Variants in TENM2 observed in about 807,000 individuals in gnomAD.
The protein encoded by TENM2 is teneurin-2.
In TENM2, 52 loss-of-function variants were observed where a neutral mutation model predicts 245.2. The ratio of observed to expected loss-of-function variants is 0.21; its 90% CI spans 0.17 to 0.27. TENM2 has a LOEUF of 0.27. Among genes scored for constraint, TENM2 ranks in the 10% least tolerant of loss-of-function variants. The pLI, the probability that TENM2 is intolerant of heterozygous loss-of-function variation, is 1.00. For synonymous variants in TENM2, 1,363 were observed against 1,438.9 expected, an observed-to-expected ratio of 0.95 and a Z score of 1.19; for missense variants, 3,046 against 3,666.8, an observed-to-expected ratio of 0.83 and a Z score of 4.37.
chr5:167,188,639 A>G, the TENM2 span, among the ~76,000 whole-genome samples: 7 of 152,148 alleles, frequency 4.6e-5, no homozygotes, highest in Admixed American at 4.6e-4. Flanking sequence ...TTAATTTTTG[A>G]TAAATACTGT....
At chr5:167,253,161 G>A in the TENM2 span, among the ~76,000 whole-genome samples, 1 of 151,742 alleles carries the variant, frequency 6.6e-6, no homozygotes, top group Admixed American at 6.6e-5. Flanking sequence ...CACAATCTTG[G>A]CTCAGTGCAG....
intron 2 of TENM2, among the ~76,000 whole-genome samples, chr5:167,620,684 T>C (rs2127769490): frequency 6.6e-6 from 1 of 151,166 alleles, no homozygotes; most frequent in South Asian, 2.1e-4. Flanking sequence ...GCTCCCACTC[T>C]AGACTTACAA....
intron 25 of TENM2, among the ~76,000 whole-genome samples, chr5:168,238,001 T>C (rs574027166): frequency 2.6e-5 from 4 of 151,096 alleles, no homozygotes; most frequent in South Asian, 2.1e-4. Context: ...AAAAATTAGC[T>C]GGGCATGGTG....
chr5:167,852,998 C>A (rs972906774), intron 2 of TENM2, among the ~76,000 whole-genome samples: 1 of 151,896 alleles, frequency 6.6e-6, no homozygotes, highest in Non-Finnish European at 1.5e-5. Context: ...AGAAAGTGAT[C>A]GGGCTCTGCC....
chr5:167,579,562 C>T lies in TENM2; in HGVS notation c.502+204089C>T, dbSNP rs996459654. On this transcript the variant is annotated intron_variant, in intron 2 of 28. Coordinates refer to ENST00000518659, the Ensembl canonical transcript of TENM2. ...TGACGGTTCGACAGTCGTAGCCAAG[C>T]GTTGTCCTGACTCACAGATCTGTGG... 5.3e-5 allele frequency among the ~76,000 whole-genome samples: 8 copies of T among 152,212 alleles called. No individual in the cohort carries two copies. The East Asian group carries it at 5.8e-4, about 11-fold the overall frequency.
At chr5:167,058,249 A>G in the TENM2 span, among the ~76,000 whole-genome samples, 1 of 152,106 alleles carries the variant, frequency 6.6e-6, no homozygotes, top group African/African-American at 2.4e-5. Flanking sequence ...TTAAGTTTTG[A>G]GAGTAGAGTC....
At chr5:167,275,951 T>C in the TENM2 span, among the ~76,000 whole-genome samples, 4 of 152,056 alleles carry the variant, frequency 2.6e-5, no homozygotes, top group South Asian at 8.3e-4. Context: ...TCAGGGGAGA[T>C]ACTGTGACTA....
intron 2 of TENM2, among the ~76,000 whole-genome samples, chr5:167,567,678 T>C (rs1773994570): frequency 6.6e-6 from 1 of 151,922 alleles, no homozygotes; most frequent in African/African-American, 2.4e-5. Flanking sequence ...CACTGGTTGA[T>C]GCGCAGCATG....
intron 2 of TENM2, among the ~76,000 whole-genome samples, chr5:167,833,835 T>C (rs1308785911): frequency 6.6e-6 from 1 of 152,206 alleles, no homozygotes; most frequent in Non-Finnish European, 1.5e-5. Context: ...TCCCAAATCT[T>C]TCCCAATTCC....
At chr5:167,228,576 T>C in the TENM2 span, among the ~76,000 whole-genome samples, 1 of 152,194 alleles carries the variant, frequency 6.6e-6, no homozygotes, top group South Asian at 2.1e-4. Flanking sequence ...TTTCATGACT[T>C]TCTTTTTGTT....
intron 2 of TENM2, among the ~76,000 whole-genome samples, chr5:167,434,340 G>C (rs1764416192): frequency 6.9e-6 from 1 of 145,474 alleles, no homozygotes; most frequent in Non-Finnish European, 1.5e-5. Context: ...ATTGAACCCG[G>C]GAGGCAGAGG....
intron 5 of TENM2, among the ~76,000 whole-genome samples, chr5:168,010,259 G>A (rs781100645): frequency 6.6e-5 from 10 of 152,194 alleles, no homozygotes; most frequent in Admixed American, 1.3e-4. Context: ...AGCTGACAAC[G>A]CTCTGAAAGC....
At chr5:167,982,557 G>A (rs551613092) in intron 4 of TENM2, among the ~76,000 whole-genome samples, 47 of 152,250 alleles carry the variant, frequency 3.1e-4, no homozygotes, top group Non-Finnish European at 6.0e-4. Flanking sequence ...GTTCTGGGAT[G>A]TAAATATTGC....
intron 3 of TENM2, among the ~76,000 whole-genome samples, chr5:167,899,855 C>T (rs963515367): frequency 2.6e-5 from 4 of 152,240 alleles, no homozygotes; most frequent in Admixed American, 6.5e-5. Flanking sequence ...CGGCATCCGA[C>T]TCTTACAAAA....
At chr5:167,216,385 G>T in the TENM2 span, among the ~76,000 whole-genome samples, 1 of 152,196 alleles carries the variant, frequency 6.6e-6, no homozygotes, top group East Asian at 1.9e-4. Flanking sequence ...CCAGATTGCT[G>T]TGTGCCCTCT....
At chr5:167,525,176 A>G (rs1051098040) in intron 2 of TENM2, among the ~76,000 whole-genome samples, 1 of 152,102 alleles carries the variant, frequency 6.6e-6, no homozygotes, top group Non-Finnish European at 1.5e-5. Flanking sequence ...AACATCAGAA[A>G]GAATTTCCTT....
intron 5 of TENM2, among the ~76,000 whole-genome samples, chr5:168,009,959 C>G (rs1001558459): frequency 6.6e-6 from 1 of 152,124 alleles, no homozygotes. Flanking sequence ...ATGGTCAGAC[C>G]CTTGCTGTCT....
At chr5:167,547,328 C>G (rs1183971256) in intron 2 of TENM2, among the ~76,000 whole-genome samples, 2 of 152,136 alleles carry the variant, frequency 1.3e-5, no homozygotes, top group Non-Finnish European at 2.9e-5. Context: ...GCCTCAGCAC[C>G]CCAAAGTGCT....
chr5:167,542,169 G>A (rs1772253793), intron 2 of TENM2, among the ~76,000 whole-genome samples: 1 of 152,102 alleles, frequency 6.6e-6, no homozygotes, highest in South Asian at 2.1e-4. Context: ...TCTCTCACCA[G>A]GAGGTTTTCC....
Sources: allele counts gnomAD v4.1 joint callset (sites outside exome capture counted in the v4.1 genomes callset), GRCh38; gene constraint gnomAD v4.1.1; transcripts MANE v1.5; gene names NCBI Gene and HGNC (gene_info 2026-07-23, HGNC 2026-07-21).